Variants in PPP2R2B observed in about 807,000 individuals in gnomAD.
The protein encoded by PPP2R2B is serine/threonine-protein phosphatase 2A 55 kDa regulatory subunit B beta isoform.
In PPP2R2B, 5 loss-of-function variants were observed where a neutral mutation model predicts 46.0. The ratio of observed to expected loss-of-function variants is 0.11; its 90% CI spans 0.06 to 0.23. The LOEUF is 0.23. Ranked by LOEUF, PPP2R2B falls within the 10% of genes least tolerant of loss-of-function variation. The probability of loss-of-function intolerance (pLI) is 1.00; values close to 1 mark genes in which losing one functional copy is unlikely to be tolerated. For missense variants in PPP2R2B, 367 were observed against 575.0 expected (o/e 0.64, Z 3.70); for synonymous variants, 215 against 206.7 (o/e 1.04, Z -0.34).
intron 1 of PPP2R2B, among the ~76,000 whole-genome samples, chr5:146,946,466 G>A (rs1446401811): frequency 6.6e-6 from 1 of 152,082 alleles, no homozygotes; most frequent in East Asian, 1.9e-4. Context: ...GCAATCAATA[G>A]TGTTACTTTT....
chr5:146,974,965 A>T (rs1372514463), intron 1 of PPP2R2B, among the ~76,000 whole-genome samples: 1 of 152,178 alleles, frequency 6.6e-6, no homozygotes, highest in East Asian at 1.9e-4. Context: ...CTGGGACTAC[A>T]GGCGTGAACC....
At chr5:146,994,147 A>C (rs1753823709) in intron 1 of PPP2R2B, among the ~76,000 whole-genome samples, 1 of 152,166 alleles carries the variant, frequency 6.6e-6, no homozygotes, top group East Asian at 1.9e-4. Flanking sequence ...GCAATGGTCC[A>C]TTTCAACAAC....
chr5:146,810,486 T>C (rs759449139), intron 2 of PPP2R2B, among the ~76,000 whole-genome samples: 13 of 152,138 alleles, frequency 8.5e-5, no homozygotes, highest in Non-Finnish European at 1.8e-4. Flanking sequence ...GGAGCTACAA[T>C]TCAAGATGAG....
rs558527143 is a variant in PPP2R2B, at chr5:146,727,158, G to T, written c.71-26016C>A. ...TTGATTCCACAAAAAACAGTGACAA[G>T]AACAAGGTCTCATTGTATTAGCTCA... On this transcript the variant is annotated intron_variant, in intron 2 of 9. Transcript: ENST00000394411. Among the ~76,000 whole-genome samples, 7 of 151,890 alleles carry T rather than the reference G, an allele frequency of 4.6e-5. No individual in the cohort carries two copies. The South Asian group carries it at 1.5e-3, about 32-fold the overall frequency.
intron 2 of PPP2R2B, among the ~76,000 whole-genome samples, chr5:146,701,990 G>A (rs1289599338): frequency 1.3e-5 from 2 of 150,752 alleles, no homozygotes; most frequent in African/African-American, 2.4e-5. Context: ...AAATGTCAGA[G>A]GTTAATTCCC....
intron 1 of PPP2R2B, among the ~76,000 whole-genome samples, chr5:146,972,407 C>T (rs1752699585): frequency 6.6e-6 from 1 of 152,060 alleles, no homozygotes; most frequent in South Asian, 2.1e-4. Flanking sequence ...CTAAGTCAAG[C>T]CCAAACTCAA....
rs1180408377 is a variant in PPP2R2B at position 146,586,204 on chromosome 5, G to A, written c.*3743C>T. 6.6e-6 allele frequency: 1 copy of A among 152,290 alleles called. No individual in the cohort carries two copies. The highest frequency in any genetic ancestry group is 1.5e-5 in the Non-Finnish European group (1 of 68,092). The allele number at this position is 152,290 out of a possible 1,614,324, so 9.4% of individuals were successfully genotyped here. On this transcript the variant is annotated 3_prime_UTR_variant, in exon 10 of 10. Transcript: ENST00000394411. ...TCAGGGTGGTATGTCCAAAGACTGT[G>A]TCAGGGGATTTGTTTTGGAAGTGGG...
At chr5:146,998,791 T>G (rs1403779156) in intron 1 of PPP2R2B, among the ~76,000 whole-genome samples, 1 of 152,042 alleles carries the variant, frequency 6.6e-6, no homozygotes, top group African/African-American at 2.4e-5. Flanking sequence ...AGCCTTCTCT[T>G]TTTTCCCCCT....
At position 146,697,997 on chromosome 5, in the gene PPP2R2B, A is replaced by G. The variant is rs750928881; in HGVS notation, c.316T>C (p.Phe106Leu). ...RWLPQQNAAY[F>L]LLSTNDKTVK... The stretch of plus-strand genomic sequence containing the variant: ...CACCTACCATTAGTAGACAGAAGAA[A>G]GTAAGCTGCATTCTGCTGGGGGAGC... Residue 106 changes from phenylalanine to leucine, a missense_variant, in exon 4 of 10, where the codon TTT becomes CTT. Around this residue, in one of 2 missense-constraint regions of PPP2R2B, gnomAD observed 361 missense variants for 545.5 expected, o/e 0.66. Transcript: ENST00000394411. 1 of 1,612,230 alleles carries G rather than the reference A, an allele frequency of 6.2e-7. No individual in the cohort carries two copies.
At chr5:146,609,635 C>T (rs977841179) in intron 7 of PPP2R2B, among the ~76,000 whole-genome samples, 2 of 148,898 alleles carry the variant, frequency 1.3e-5, no homozygotes, top group South Asian at 2.2e-4. Context: ...AGTGTGTGTG[C>T]GCACCGTGCG....
chr5:146,774,211 G>C (rs116747859), intron 2 of PPP2R2B, among the ~76,000 whole-genome samples: 1 of 152,116 alleles, frequency 6.6e-6, no homozygotes, highest in Non-Finnish European at 1.5e-5. Context: ...CTAACTCATG[G>C]GGTTAAGAGT....
At chr5:146,992,015 A>G (rs1430522547) in intron 1 of PPP2R2B, among the ~76,000 whole-genome samples, 1 of 152,188 alleles carries the variant, frequency 6.6e-6, no homozygotes, top group East Asian at 1.9e-4. Context: ...ATAGAAATAG[A>G]AGAAACAATT....
chr5:146,639,980 T>A (rs1278831637), intron 6 of PPP2R2B, among the ~76,000 whole-genome samples: 1 of 152,214 alleles, frequency 6.6e-6, no homozygotes, highest in African/African-American at 2.4e-5. Flanking sequence ...CTGAGATGGA[T>A]GAAAGTCTTG....
intron 2 of PPP2R2B, among the ~76,000 whole-genome samples, chr5:146,805,495 T>C (rs1399705227): frequency 6.6e-6 from 1 of 152,190 alleles, no homozygotes; most frequent in Non-Finnish European, 1.5e-5. Flanking sequence ...TCATTCCTCA[T>C]TTATCCAAGA....
intron 1 of PPP2R2B, among the ~76,000 whole-genome samples, chr5:146,931,167 T>A (rs1239796036): frequency 6.6e-6 from 1 of 152,180 alleles, no homozygotes; most frequent in East Asian, 1.9e-4. Context: ...GTGATATCTC[T>A]GTAACGCAAG....
At chr5:147,067,295 G>C in intron 2 of PPP2R2B, among the ~76,000 whole-genome samples, 1 of 151,940 alleles carries the variant, frequency 6.6e-6, no homozygotes, top group Non-Finnish European at 1.5e-5. Context: ...CTGAAATTTT[G>C]TATCATTTGT....
intron 6 of PPP2R2B, among the ~76,000 whole-genome samples, chr5:146,644,441 T>C (rs1413864361): frequency 2.0e-5 from 3 of 152,142 alleles, no homozygotes; most frequent in Non-Finnish European, 4.4e-5. Context: ...TTGGTCATTT[T>C]ATTTTCCCCA....
chr5:146,718,725 A>G (rs1469503432), intron 2 of PPP2R2B, among the ~76,000 whole-genome samples: 1 of 152,164 alleles, frequency 6.6e-6, no homozygotes, highest in African/African-American at 2.4e-5. Context: ...AACACCAGAG[A>G]CTGGGTGGGA....
At chr5:146,755,035 C>A (rs1410988634) in intron 2 of PPP2R2B, among the ~76,000 whole-genome samples, 2 of 152,096 alleles carry the variant, frequency 1.3e-5, no homozygotes, top group African/African-American at 2.4e-5. Flanking sequence ...CAATTGACAA[C>A]AATACACCGT....
Sources: gnomAD v4.1 joint callset for allele counts (sites outside exome capture counted in the v4.1 genomes callset) on GRCh38, gnomAD v4.1.1 for gene constraint, gnomAD v4.1.1 regional missense constraint, MANE v1.5 for transcripts, NCBI Gene and HGNC (gene_info 2026-07-23, HGNC 2026-07-21) for gene names.